Variants in ARFGEF3 observed in about 807,000 individuals in gnomAD.
ARFGEF3 encodes the protein ARFGEF family member 3.
In ARFGEF3, 96 loss-of-function variants were observed where a neutral mutation model predicts 221.7. The observed-to-expected ratio is 0.43, with a 90% CI of 0.37 to 0.51. The LOEUF (loss-of-function observed/expected upper bound fraction) is 0.51, where lower values mean the gene tolerates loss of function less well. Ranked by LOEUF, ARFGEF3 falls within the 20% of genes least tolerant of loss-of-function variation. The pLI, the probability that ARFGEF3 is intolerant of heterozygous loss-of-function variation, is 0.00. For missense variants in ARFGEF3, 2,410 were observed against 2,789.9 expected, an observed-to-expected ratio of 0.86 and a Z score of 3.07; for synonymous variants, 1,145 against 1,126.8, an observed-to-expected ratio of 1.02 and a Z score of -0.32.
At chr6:138,311,360 C>T (rs768803726) in intron 24 of ARFGEF3, 47 bp from the exon 25 acceptor site, 2 of 1,207,582 alleles carry the variant, frequency 1.7e-6, no homozygotes, top group South Asian at 1.3e-5. Context: ...TACAGGGGGG[C>T]ACGCAAGGGT....
rs1013504803 is a variant in ARFGEF3, at chr6:138,336,537, C to A, written c.*51C>A. On this transcript the variant is annotated 3_prime_UTR_variant, in exon 34 of 34. Coordinates refer to ENST00000251691, the MANE Select transcript of ARFGEF3 (RefSeq NM_020340.5). ...AAATAACAGTAGTGAGGGTTAGAGT[C>A]CTGCCAATACAGCTGTTGCATTTTC... 31 of 1,437,712 alleles carry A rather than the reference C, an allele frequency of 2.2e-5. No individual in the cohort carries two copies. The highest frequency in any genetic ancestry group is 2.8e-5 in the Non-Finnish European group (29 of 1,054,492). 89.1% of individuals were successfully genotyped at this position (1,437,712 alleles called of 1,614,324 possible).
intron 4 of ARFGEF3, chr6:138,218,253 A>C (rs373451602): frequency 6.2e-7 from 1 of 1,611,928 alleles, no homozygotes; most frequent in South Asian, 1.1e-5. Flanking sequence ...CTTGTAGCAG[A>C]ATGGTAAGAG....
At chr6:138,192,982 T>C (rs1777338208) in intron 2 of ARFGEF3, among the ~76,000 whole-genome samples, 1 of 152,122 alleles carries the variant, frequency 6.6e-6, no homozygotes, top group African/African-American at 2.4e-5. Flanking sequence ...TGGTAGAAAA[T>C]GTCTAAGATT....
chr6:138,301,735 C>T (rs564702224), intron 22 of ARFGEF3, among the ~76,000 whole-genome samples: 1 of 152,268 alleles, frequency 6.6e-6, no homozygotes. Context: ...ACTGGCTGAA[C>T]TTTGAATATT....
intron 4 of ARFGEF3, among the ~76,000 whole-genome samples, chr6:138,228,262 C>T (rs541761480): frequency 3.4e-5 from 5 of 148,196 alleles, no homozygotes; most frequent in African/African-American, 9.9e-5. Flanking sequence ...CTGCAACCTC[C>T]GCCTCCCGGG....
Position 138,321,217 on chromosome 6 carries a change from C to CTGTATTAGGTGAGGAAA in ARFGEF3, c.4761_4766+11dup. 1 of 1,530,638 alleles carries CTGTATTAGGTGAGGAAA rather than the reference C, an allele frequency of 6.5e-7. No individual in the cohort carries two copies. The highest frequency in any genetic ancestry group is 8.9e-7 in the Non-Finnish European group (1 of 1,129,914). 94.8% of individuals were successfully genotyped at this position (1,530,638 alleles called of 1,614,324 possible). Reference sequence around the variant, plus strand: ...AAACCATCTCCAGAGTGGGCTGCTCCTGTATTAGGTGAGGAAATGCTTTCC... The same window carrying CTGTATTAGGTGAGGAAA: ...AAACCATCTCCAGAGTGGGCTGCTCCTGTATTAGGTGAGGAAATGTATTAGGTGAGGAAATGCTTTCC... On this transcript the variant is annotated stop_gained and frameshift_variant, in exon 29 of 34. Coordinates refer to ENST00000251691, the MANE Select transcript of ARFGEF3 (RefSeq NM_020340.5). LOFTEE classifies it high-confidence loss of function.
chr6:138,187,483 T>C (rs926096063), intron 2 of ARFGEF3, among the ~76,000 whole-genome samples: 2 of 152,182 alleles, frequency 1.3e-5, no homozygotes, highest in African/African-American at 4.8e-5. Flanking sequence ...TGGGTAGGCA[T>C]AGCTGCCTTG....
At position 138,162,027 on chromosome 6, in the gene ARFGEF3, G is replaced by C. The variant is rs1776622586; in HGVS notation, c.-60G>C. On this transcript the variant is annotated 5_prime_UTR_variant, in exon 1 of 34. Coordinates refer to ENST00000251691, the MANE Select transcript of ARFGEF3 (RefSeq NM_020340.5). This position sits in a 1 kb window ranked among gnomAD's most constrained non-coding sequence, Gnocchi z 4.7. ...AGGGCCAGGCAGCGGCGGCTTCCCC[G>C]GCCCGGCTCGCCCGCGCTTCTCTCC... The C allele has an allele frequency of 8.3e-6, 11 of 1,329,618 alleles. No homozygotes were observed. The highest frequency in any genetic ancestry group is 1.1e-5 in the Non-Finnish European group (11 of 983,120). 82.4% of individuals were successfully genotyped at this position (1,329,618 alleles called of 1,614,324 possible).
In ARFGEF3 at chr6:138,295,133, G is replaced by C. The variant is rs188888593; in HGVS notation, c.3502+1007G>C. On this transcript the variant is annotated intron_variant, in intron 20 of 33. Coordinates refer to ENST00000251691, the MANE Select transcript of ARFGEF3 (RefSeq NM_020340.5). ...AAACAGTAGACTCTGAGCTTACAAA[G>C]AACACAATGAGCAGGGGCCAGGAAG... Among the ~76,000 whole-genome samples the C allele has an allele frequency of 3.1e-3, 473 of 152,172 alleles. 2 individuals carry two copies. Among genetic ancestry groups the C allele is most frequent in the Non-Finnish European group, 3.7e-3 (254 of 68,014 alleles).
intron 12 of ARFGEF3, among the ~76,000 whole-genome samples, chr6:138,265,213 T>A (rs956560441): frequency 1.3e-5 from 2 of 152,100 alleles, no homozygotes; most frequent in Admixed American, 1.3e-4. Context: ...GGAACATTTT[T>A]TAATAAGAGA....
At position 138,339,076 on chromosome 6, in the gene ARFGEF3, T is replaced by C. The variant is rs1041857253; in HGVS notation, c.*2590T>C. 6.6e-6 allele frequency: 1 copy of C among 152,278 alleles called. No individual in the cohort carries two copies. The highest frequency in any genetic ancestry group is 2.1e-4 in the South Asian group (1 of 4,826). The allele number at this position is 152,278 out of a possible 1,614,324, so 9.4% of individuals were successfully genotyped here. ...TCTATAACTCAGTCCTAACATACTC[T>C]GCACTCGAGTTACCAGCCATCCACA... On this transcript the variant is annotated 3_prime_UTR_variant, in exon 34 of 34. Coordinates refer to ENST00000251691, the MANE Select transcript of ARFGEF3 (RefSeq NM_020340.5).
At chr6:138,201,766 G>A (rs370358207) in intron 2 of ARFGEF3, among the ~76,000 whole-genome samples, 171 of 152,244 alleles carry the variant, frequency 1.1e-3, no homozygotes, top group African/African-American at 3.8e-3. Context: ...ACAAATCACC[G>A]CTAAAGAACT....
chr6:138,291,883 C>A lies in ARFGEF3; in HGVS notation c.3198C>A (p.Ser1066Arg). The change falls in exon 19 of 34, where the codon AGC (serine) becomes AGA (arginine). Residue 1066 changes from serine to arginine, a missense_variant. Coordinates refer to ENST00000251691, the MANE Select transcript of ARFGEF3 (RefSeq NM_020340.5). The surrounding 1 kb of genome is among the most constrained non-coding windows in gnomAD (Gnocchi z 4.5). ...GTGAGGGCTCGCCCCCCGAGCACAG[C>A]CCGGAGCAGGGGCGCTCCCTGAGCA... is the stretch of plus-strand genomic sequence containing the variant. ...PECEGSPPEH[S>R]PEQGRSLSTA... 6.7e-7 allele frequency: 1 copy of A among 1,500,228 alleles called. No individual in the cohort carries two copies. The highest frequency in any genetic ancestry group is 8.9e-7 in the Non-Finnish European group (1 of 1,120,162). 92.9% of individuals were successfully genotyped at this position (1,500,228 alleles called of 1,614,324 possible).
rs1488528069 is a variant in ARFGEF3 at position 138,303,880 on chromosome 6, AAAAAAAAAG to A, written c.3829-3371_3829-3363del. 4.0e-5 allele frequency among the ~76,000 whole-genome samples: 6 copies of A among 150,620 alleles called. 1 individual carries two copies. Among genetic ancestry groups the A allele is most frequent in the Admixed American group, 2.6e-4 (4 of 15,124 alleles). On this transcript the variant is annotated intron_variant, in intron 22 of 33. Coordinates refer to ENST00000251691, the MANE Select transcript of ARFGEF3 (RefSeq NM_020340.5). ...CGTCTCAAAAAAAAAAAAAAAAAAA[AAAAAAAAAG>A]ATAATAGCAAGTGTTGGTGAGGGAG...
At chr6:138,276,460 G>A (rs1779097853) in intron 12 of ARFGEF3, among the ~76,000 whole-genome samples, 2 of 152,112 alleles carry the variant, frequency 1.3e-5, no homozygotes, top group Non-Finnish European at 2.9e-5. Context: ...AGCTCAAAGG[G>A]ATCTTCAAAA....
Position 138,342,237 on chromosome 6 carries a change from C to T in ARFGEF3, c.*5751C>T, listed in dbSNP as rs962460432. 2 of 152,120 alleles carry T rather than the reference C, an allele frequency of 1.3e-5. No homozygotes were observed. The highest frequency in any genetic ancestry group is 2.9e-5 in the Non-Finnish European group (2 of 68,024). The allele number at this position is 152,120 out of a possible 1,614,324, so 9.4% of individuals were successfully genotyped here. ...GGTCAGAGTTCCCAGTTAAGTAAAT[C>T]AGGAAATTTGTATTTCTAACAAGTT... is the stretch of plus-strand genomic sequence containing the variant. On this transcript the variant is annotated 3_prime_UTR_variant, in exon 34 of 34. Transcript: ENST00000251691.
intron 7 of ARFGEF3, among the ~76,000 whole-genome samples, chr6:138,243,776 G>A (rs141649727): frequency 1.6e-4 from 24 of 152,234 alleles, no homozygotes; most frequent in Middle Eastern, 3.4e-3. Context: ...ACAATTAGGA[G>A]AGGAAGAGTA....
chr6:138,301,180 C>T (rs1400299773), intron 22 of ARFGEF3, among the ~76,000 whole-genome samples: 2 of 152,134 alleles, frequency 1.3e-5, no homozygotes, highest in African/African-American at 4.8e-5. Flanking sequence ...TAACCTTCCC[C>T]GCAAAAATCA....
At chr6:138,257,525 A>G (rs1043057521) in intron 10 of ARFGEF3, among the ~76,000 whole-genome samples, 1 of 152,234 alleles carries the variant, frequency 6.6e-6, no homozygotes, top group East Asian at 1.9e-4. Context: ...TTCCTCCCAC[A>G]AAGACACTTA....
Sources: allele counts gnomAD v4.1 joint callset (sites outside exome capture counted in the v4.1 genomes callset), GRCh38; gene constraint gnomAD v4.1.1; non-coding constraint Gnocchi (gnomAD v3.1); transcripts MANE v1.5; gene names NCBI Gene and HGNC (gene_info 2026-07-23, HGNC 2026-07-21).